SCAPER: variants seen among roughly 807,000 people sequenced by gnomAD.
SCAPER encodes S-phase cyclin A associated protein in the ER.
SCAPER carries 98 observed loss-of-function variants against 182.2 expected under a neutral mutation model. The observed-to-expected ratio is 0.54, with a 90% CI of 0.46 to 0.64. SCAPER has a LOEUF of 0.64. Ranked by LOEUF, SCAPER falls within the 30% of genes least tolerant of loss-of-function variation. The pLI is 0.00. For synonymous variants in SCAPER, 605 were observed against 564.6 expected, an observed-to-expected ratio of 1.07 and a Z score of -1.01; for missense variants, 1,432 against 1,690.0, an observed-to-expected ratio of 0.85 and a Z score of 2.68.
rs534784828 is a variant in SCAPER, at chr15:76,726,049, C to CA, written c.2165+2545dup. Among the ~76,000 whole-genome samples the CA allele has an allele frequency of 2.5e-4, 36 of 141,864 alleles. 1 individual carries two copies. The South Asian group carries it at 4.2e-3, about 17-fold the overall frequency. The allele number at this position is 141,864 out of a possible 152,430, so 93.1% of individuals were successfully genotyped here. Reference sequence around the variant, plus strand: ...TTTGTTCTTCAATAGACAATATCAACAAAATGAAAAGTCAACCTACAGAAT... The same window carrying CA: ...TTTGTTCTTCAATAGACAATATCAACAAAAATGAAAAGTCAACCTACAGAAT... On this transcript the variant is annotated intron_variant, in intron 17 of 31. Transcript: ENST00000563290.
intron 22 of SCAPER, among the ~76,000 whole-genome samples, chr15:76,591,553 T>C (rs1262914048): frequency 2.6e-5 from 4 of 152,308 alleles, no homozygotes; most frequent in Non-Finnish European, 2.9e-5. Context: ...CCTCAACCTC[T>C]TGGGCTCAAG....
At chr15:76,403,562 C>A (rs2044618719) in intron 27 of SCAPER, among the ~76,000 whole-genome samples, 1 of 152,070 alleles carries the variant, frequency 6.6e-6, no homozygotes, top group South Asian at 2.1e-4. Flanking sequence ...TTAAAATGTT[C>A]TGAATATAGT....
At chr15:76,712,915 T>C (rs1476491142) in intron 17 of SCAPER, among the ~76,000 whole-genome samples, 6 of 152,328 alleles carry the variant, frequency 3.9e-5, no homozygotes, top group East Asian at 3.9e-4. Flanking sequence ...CTTTTCCTAA[T>C]TGAATGCCCT....
intron 21 of SCAPER, among the ~76,000 whole-genome samples, chr15:76,648,861 T>C (rs1278952120): frequency 2.0e-5 from 3 of 152,214 alleles, no homozygotes; most frequent in African/African-American, 7.2e-5. Flanking sequence ...TCCCTTTTCT[T>C]TGTCACCACA....
At chr15:76,846,649 G>C (rs2070119664) in intron 4 of SCAPER, among the ~76,000 whole-genome samples, 1 of 152,202 alleles carries the variant, frequency 6.6e-6, no homozygotes, top group South Asian at 2.1e-4. Context: ...ACTAAAATGA[G>C]CTATCATCTC....
chr15:76,804,978 G>A (rs775603597), intron 5 of SCAPER, among the ~76,000 whole-genome samples: 19 of 152,238 alleles, frequency 1.2e-4, no homozygotes, highest in Middle Eastern at 3.4e-3. Context: ...AGAGGCTGAG[G>A]CAGGAGAATT....
intron 25 of SCAPER, among the ~76,000 whole-genome samples, chr15:76,442,329 T>C (rs978319171): frequency 6.6e-6 from 1 of 152,246 alleles, no homozygotes; most frequent in African/African-American, 2.4e-5. Flanking sequence ...ACATTTTAAA[T>C]GTCTCTTACT....
At chr15:76,665,382 A>G (rs2056493616) in intron 21 of SCAPER, among the ~76,000 whole-genome samples, 1 of 152,200 alleles carries the variant, frequency 6.6e-6, no homozygotes, top group Admixed American at 6.6e-5. Flanking sequence ...ATACTTAAAC[A>G]TACTATTGTA....
intron 23 of SCAPER, among the ~76,000 whole-genome samples, chr15:76,506,921 A>T (rs191252504): frequency 6.6e-6 from 1 of 152,330 alleles, no homozygotes; most frequent in Admixed American, 6.5e-5. Context: ...GTGGGAAATA[A>T]CATTTCCAAG....
intron 23 of SCAPER, among the ~76,000 whole-genome samples, chr15:76,558,629 G>A (rs938707195): frequency 6.6e-6 from 1 of 152,176 alleles, no homozygotes; most frequent in South Asian, 2.1e-4. Flanking sequence ...CTTTCTCAGA[G>A]AACTTAGAAC....
At chr15:76,412,102 T>C (rs1412096130) in intron 26 of SCAPER, among the ~76,000 whole-genome samples, 3 of 152,184 alleles carry the variant, frequency 2.0e-5, no homozygotes, top group Non-Finnish European at 4.4e-5. Flanking sequence ...TTTTCTTCCA[T>C]ATGGATATCC....
In SCAPER at chr15:76,737,194, A is replaced by G. The variant is rs58034227; in HGVS notation, c.1867-3810T>C. 3.6e-3 allele frequency among the ~76,000 whole-genome samples: 553 copies of G among 152,360 alleles called. 2 individuals carry two copies. Among genetic ancestry groups the G allele is most frequent in the African/African-American group, 0.013 (531 of 41,584 alleles). On this transcript the variant is annotated intron_variant, in intron 15 of 31. Coordinates refer to ENST00000563290, the MANE Select transcript of SCAPER (RefSeq NM_020843.4). ...AGAGGAATCACTATCTATGGCAGCT[A>G]TAGCTTTATAAAATGTATTTTTTAA...
At chr15:76,729,161 G>A (rs889194894) in intron 16 of SCAPER, among the ~76,000 whole-genome samples, 4 of 151,824 alleles carry the variant, frequency 2.6e-5, no homozygotes, top group African/African-American at 4.8e-5. Flanking sequence ...TTTGGAACTC[G>A]GACTGGCTCT....
chr15:76,458,427 TATATACAC>T (rs2048911599), intron 25 of SCAPER, among the ~76,000 whole-genome samples: 1 of 152,040 alleles, frequency 6.6e-6, no homozygotes, highest in African/African-American at 2.4e-5. Flanking sequence ...CACACACATA[TATATACAC>T]ATATATACAC....
chr15:76,534,573 C>T (rs1206987902), intron 23 of SCAPER, among the ~76,000 whole-genome samples: 1 of 152,072 alleles, frequency 6.6e-6, no homozygotes, highest in Non-Finnish European at 1.5e-5. Flanking sequence ...AGTGATTTTA[C>T]GTGAAAGGGC....
chr15:76,357,150 T>TCTCACACACACACA (rs1555410452), intron 29 of SCAPER, among the ~76,000 whole-genome samples: 1 of 128,858 alleles, frequency 7.8e-6, no homozygotes, highest in Non-Finnish European at 1.6e-5. Context: ...TTTATTGACA[T>TCTCACACACACACA]CACACACACA....
At position 76,378,739 on chromosome 15, in the gene SCAPER, G is replaced by A. The variant is rs540677611; in HGVS notation, c.3706-2428C>T. On this transcript the variant is annotated intron_variant, in intron 28 of 31. Transcript: ENST00000563290. Reference sequence around the variant, plus strand: ...AGTCATAAAAAGTCCTGTAGCTTTTGTTGGTTTCTCTTGGAACTCTTGCTT... The same window carrying A: ...AGTCATAAAAAGTCCTGTAGCTTTTATTGGTTTCTCTTGGAACTCTTGCTT... 5.3e-5 allele frequency among the ~76,000 whole-genome samples: 8 copies of A among 152,262 alleles called. No homozygotes were observed. The South Asian group carries it at 1.0e-3, about 20-fold the overall frequency.
chr15:76,390,346 A>G (rs1406696431), intron 27 of SCAPER, among the ~76,000 whole-genome samples: 3 of 152,182 alleles, frequency 2.0e-5, no homozygotes, highest in African/African-American at 2.4e-5. Context: ...GGGATCAACA[A>G]CCTGGAAGAG....
intron 23 of SCAPER, among the ~76,000 whole-genome samples, chr15:76,573,299 A>T (rs891950521): frequency 1.3e-5 from 2 of 152,194 alleles, no homozygotes; most frequent in African/African-American, 4.8e-5. Flanking sequence ...ATCTTACTCT[A>T]AATTGGGTGG....
Sources: gnomAD v4.1 joint callset for allele counts (sites outside exome capture counted in the v4.1 genomes callset) on GRCh38, gnomAD v4.1.1 for gene constraint, MANE v1.5 for transcripts, NCBI Gene and HGNC (gene_info 2026-07-23, HGNC 2026-07-21) for gene names.